AP1M1: variants seen among roughly 807,000 people sequenced by gnomAD.
The protein encoded by AP1M1 is adaptor related protein complex 1 subunit mu 1.
Under a neutral mutation model 57.1 loss-of-function variants are expected in AP1M1, and 18 were observed. That is an observed-to-expected ratio of 0.32 (90% confidence interval 0.22 to 0.47). The LOEUF is 0.47. Ranked by LOEUF, AP1M1 falls within the 20% of genes least tolerant of loss-of-function variation. The pLI, the probability that AP1M1 is intolerant of heterozygous loss-of-function variation, is 1.00. For missense variants in AP1M1, 362 were observed against 593.5 expected (o/e 0.61, Z 4.05); for synonymous variants, 241 against 237.9 (o/e 1.01, Z -0.12).
Position 16,197,956 on chromosome 19 carries a change from C to T in AP1M1, c.-71C>T. On this transcript the variant is annotated 5_prime_UTR_variant, in exon 1 of 12. It adds an upstream start codon to the 5' untranslated region. Coordinates refer to ENST00000291439, the MANE Select transcript of AP1M1 (RefSeq NM_032493.4). ...GCGGGCGGCGCCCGGCCTTGCTCAA[C>T]GCCCAGCAGTCCCCACCGTCGCTGC... 1 of 1,419,004 alleles carries T rather than the reference C, an allele frequency of 7.0e-7. No homozygotes were observed. The highest frequency in any genetic ancestry group is 9.4e-7 in the Non-Finnish European group (1 of 1,058,462). The allele number at this position is 1,419,004 out of a possible 1,614,324, so 87.9% of individuals were successfully genotyped here.
chr19:16,231,287 C>CAAA (rs1231125818), intron 9 of AP1M1, among the ~76,000 whole-genome samples: 245 of 115,004 alleles, frequency 2.1e-3, no homozygotes, highest in East Asian at 5.1e-3. Context: ...GACTCTGTCT[C>CAAA]AAAAAAAAAA....
At position 16,236,500 on chromosome 19, in the gene AP1M1, C is replaced by T; in HGVS notation, c.*2065C>T. The T allele has an allele frequency of 6.6e-6, 1 of 152,296 alleles. No homozygotes were observed. The highest frequency in any genetic ancestry group is 1.5e-5 in the Non-Finnish European group (1 of 68,036). 9.4% of individuals were successfully genotyped at this position (152,296 alleles called of 1,614,324 possible). ...GGGTTTAGGTTTGGGGGCCAGGTGG[C>T]AGATAGGACTTTGGGCATCGGGAAG... On this transcript the variant is annotated 3_prime_UTR_variant, in exon 12 of 12. Coordinates refer to ENST00000291439, the MANE Select transcript of AP1M1 (RefSeq NM_032493.4).
intron 1 of AP1M1, 63 bp downstream of exon 1, chr19:16,198,131 A>G (rs1329335365): frequency 3.8e-6 from 6 of 1,578,000 alleles, no homozygotes; most frequent in Non-Finnish European, 1.7e-6. Context: ...GCCCGCGGGG[A>G]CCCACCCTGT....
At chr19:16,221,061 TTA>T (rs1323005707) in intron 5 of AP1M1, among the ~76,000 whole-genome samples, 1 of 152,238 alleles carries the variant, frequency 6.6e-6, no homozygotes, top group Admixed American at 6.5e-5. Context: ...ATCTGTAAGT[TTA>T]TGTCTTTCAT....
chr19:16,198,203 C>T, intron 1 of AP1M1, 135 bp downstream of exon 1: 2 of 863,140 alleles, frequency 2.3e-6, no homozygotes, highest in Non-Finnish European at 1.7e-6. Context: ...GTAGACCTCA[C>T]CTGAGAGCCC....
At chr19:16,218,208 C>T (rs943333795) in intron 5 of AP1M1, among the ~76,000 whole-genome samples, 1 of 152,244 alleles carries the variant, frequency 6.6e-6, no homozygotes, top group Non-Finnish European at 1.5e-5. Context: ...CCTCTGCTGC[C>T]GTGCACATGG....
At chr19:16,233,717 C>G (rs2279060) in intron 10 of AP1M1, 99 bp downstream of exon 10, 1,100,544 of 1,440,298 alleles carry the variant, frequency 0.76, 427,501 homozygotes, top group Non-Finnish European at 0.8. Flanking sequence ...CAGTCAGCTG[C>G]AATCAGGACC....
chr19:16,201,979 A>G (rs1386040905), intron 1 of AP1M1, among the ~76,000 whole-genome samples: 1 of 152,056 alleles, frequency 6.6e-6, no homozygotes, highest in Non-Finnish European at 1.5e-5. Context: ...AGTGGGGGAG[A>G]GACCCCGTCT....
At chr19:16,224,935 C>T (rs899637130) in intron 5 of AP1M1, among the ~76,000 whole-genome samples, 1 of 152,086 alleles carries the variant, frequency 6.6e-6, no homozygotes, top group African/African-American at 2.4e-5. Context: ...GACACGGCAG[C>T]GCGCAGCCCC....
At chr19:16,213,860 A>G (rs146676037) in intron 5 of AP1M1, among the ~76,000 whole-genome samples, 23 of 152,096 alleles carry the variant, frequency 1.5e-4, no homozygotes, top group African/African-American at 4.8e-4. Flanking sequence ...TTGCCACTCT[A>G]TGCCTTTTAA....
intron 5 of AP1M1, among the ~76,000 whole-genome samples, chr19:16,212,368 A>G (rs1270412966): frequency 6.6e-6 from 1 of 151,992 alleles, no homozygotes; most frequent in Non-Finnish European, 1.5e-5. Context: ...TTTCTTCTAG[A>G]TTTTCTAGTT....
chr19:16,199,523 C>T (rs1280398956), intron 1 of AP1M1, among the ~76,000 whole-genome samples: 2 of 152,292 alleles, frequency 1.3e-5, no homozygotes, highest in East Asian at 1.9e-4. Flanking sequence ...GGTGTCAGGT[C>T]CTAGGTGAGG....
chr19:16,233,394 G>A (rs1307989208), intron 9 of AP1M1, 99 bp from the exon 10 acceptor site: 11 of 1,418,972 alleles, frequency 7.8e-6, no homozygotes, highest in Middle Eastern at 5.1e-4. Context: ...CCTGGACTGG[G>A]GTGAGTGGTC....
At chr19:16,213,642 G>A (rs1341258911) in intron 5 of AP1M1, among the ~76,000 whole-genome samples, 1 of 151,936 alleles carries the variant, frequency 6.6e-6, no homozygotes, top group African/African-American at 2.4e-5. Flanking sequence ...TTACAGGCAC[G>A]CGCCACCACG....
chr19:16,215,074 T>G (rs2091511850), intron 5 of AP1M1, among the ~76,000 whole-genome samples: 1 of 151,154 alleles, frequency 6.6e-6, no homozygotes, highest in African/African-American at 2.4e-5. Flanking sequence ...TCTCCTTTGC[T>G]GATGAAGCTT....
At position 16,244,995 on chromosome 19, in the gene AP1M1, T is replaced by G. The variant is rs2091658876; in HGVS notation, c.*10560T>G. On this transcript the variant is annotated 3_prime_UTR_variant, in exon 12 of 12. Coordinates refer to ENST00000291439, the MANE Select transcript of AP1M1 (RefSeq NM_032493.4). ...TCACTGCAACCTCTGCATCCCGGGT[T>G]CAAGCTATTCTCCTGCCTCAGCCTC... 1 of 150,712 alleles carries G rather than the reference T, an allele frequency of 6.6e-6. No individual in the cohort carries two copies. The highest frequency in any genetic ancestry group is 1.5e-5 in the Non-Finnish European group (1 of 67,796). The allele number at this position is 150,712 out of a possible 1,614,324, so 9.3% of individuals were successfully genotyped here.
Position 16,206,557 on chromosome 19 carries a change from C to T in AP1M1, c.267+149C>T, listed in dbSNP as rs2091470316. The stretch of plus-strand genomic sequence containing the variant: ...AGCCCAGGAAGTGGGAAAGGGGAGT[C>T]CCAACTCCCCACGCCTGTGGAATTC... On this transcript the variant is annotated intron_variant, in intron 3 of 11. Coordinates refer to ENST00000291439, the MANE Select transcript of AP1M1 (RefSeq NM_032493.4). This position sits in a 1 kb window ranked among gnomAD's most constrained non-coding sequence, Gnocchi z 4.3. 1 of 755,148 alleles carries T rather than the reference C, an allele frequency of 1.3e-6. No homozygotes were observed. The highest frequency in any genetic ancestry group is 2.3e-6 in the Non-Finnish European group (1 of 443,548). 46.8% of individuals were successfully genotyped at this position (755,148 alleles called of 1,614,324 possible).
At chr19:16,230,262 A>AAC (rs2091590277) in intron 9 of AP1M1, among the ~76,000 whole-genome samples, 1 of 152,216 alleles carries the variant, frequency 6.6e-6, no homozygotes, top group African/African-American at 2.4e-5. Context: ...CCCTGCGTTG[A>AAC]GCAAGTCTGT....
intron 1 of AP1M1, among the ~76,000 whole-genome samples, chr19:16,202,735 A>G (rs1362235125): frequency 6.6e-6 from 1 of 152,240 alleles, no homozygotes; most frequent in Non-Finnish European, 1.5e-5. Context: ...CACCTGCTGA[A>G]GGACATTGGC....
Sources: allele counts gnomAD v4.1 joint callset (sites outside exome capture counted in the v4.1 genomes callset), GRCh38; gene constraint gnomAD v4.1.1; non-coding constraint Gnocchi (gnomAD v3.1); transcripts MANE v1.5; gene names NCBI Gene and HGNC (gene_info 2026-07-23, HGNC 2026-07-21).